Variants in CNOT2 observed in about 807,000 individuals in gnomAD.
CNOT2 encodes the protein CCR4-NOT transcription complex subunit 2.
A neutral mutation model predicts 72.1 loss-of-function variants in CNOT2; 7 were observed. The observed-to-expected ratio is 0.10, with a 90% CI of 0.06 to 0.18. CNOT2 has a LOEUF of 0.18. Among genes scored for constraint, CNOT2 ranks in the 10% least tolerant of loss-of-function variants. The probability of loss-of-function intolerance (pLI) is 1.00; values close to 1 mark genes in which losing one functional copy is unlikely to be tolerated. For synonymous variants in CNOT2, 196 were observed against 225.6 expected, an observed-to-expected ratio of 0.87 and a Z score of 1.17; for missense variants, 345 against 660.3, an observed-to-expected ratio of 0.52 and a Z score of 5.23.
At chr12:70,283,040 G>C (rs999787024) in intron 2 of CNOT2, among the ~76,000 whole-genome samples, 11 of 152,064 alleles carry the variant, frequency 7.2e-5, no homozygotes, top group Non-Finnish European at 1.3e-4. Context: ...CATTTAGTAT[G>C]TACTGTATTC....
chr12:70,276,785 T>C (rs1868887939), intron 1 of CNOT2, among the ~76,000 whole-genome samples: 1 of 152,004 alleles, frequency 6.6e-6, no homozygotes, highest in South Asian at 2.1e-4. Flanking sequence ...AATTACAATT[T>C]TGTCATACAG....
intron 15 of CNOT2, chr12:70,347,880 G>A (rs1882395157): frequency 6.6e-6 from 1 of 152,086 alleles, no homozygotes; most frequent in Non-Finnish European, 1.5e-5. Context: ...TAAAAATAGT[G>A]CCTGAGCTAT....
chr12:70,271,262 A>G (rs191935193), intron 1 of CNOT2, among the ~76,000 whole-genome samples: 1 of 151,850 alleles, frequency 6.6e-6, no homozygotes, highest in East Asian at 1.9e-4. Flanking sequence ...GAATCCTACC[A>G]TCAGTTTTTC....
At chr12:70,302,412 T>G (rs1174002375) in intron 2 of CNOT2, among the ~76,000 whole-genome samples, 6 of 151,842 alleles carry the variant, frequency 4.0e-5, no homozygotes, top group Non-Finnish European at 7.4e-5. Flanking sequence ...TCTGGTATGT[T>G]GTGTCTTTGT....
rs528724422 is a variant in CNOT2 at position 70,287,372 on chromosome 12, T to C, written c.48+9098T>C. Reference sequence around the variant, plus strand: ...TTTAATTTTGTTTTCTATTCATCAGTGTTCTTTAATGTTTTCCTTTCACTT... The same window carrying C: ...TTTAATTTTGTTTTCTATTCATCAGCGTTCTTTAATGTTTTCCTTTCACTT... On this transcript the variant is annotated intron_variant, in intron 2 of 15. Transcript: ENST00000229195. Among the ~76,000 whole-genome samples the C allele has an allele frequency of 2.7e-5, 4 of 149,790 alleles. No homozygotes were observed. The East Asian group carries it at 8.1e-4, about 30-fold the overall frequency.
At position 70,300,040 on chromosome 12, in the gene CNOT2, T is replaced by C. The variant is rs1269613808; in HGVS notation, c.49-10855T>C. Among the ~76,000 whole-genome samples the C allele has an allele frequency of 2.6e-5, 4 of 152,208 alleles. No homozygotes were observed. In the East Asian group the frequency reaches 7.7e-4, roughly 29 times the overall value. ...AATGTCTTCTTTTGAGAAGTGTCTG[T>C]TCATGTCCTTTGCCCACTTTTTGAT... On this transcript the variant is annotated intron_variant, in intron 2 of 15. Transcript: ENST00000229195.
At chr12:70,305,612 T>C (rs904036731) in intron 2 of CNOT2, among the ~76,000 whole-genome samples, 4 of 152,178 alleles carry the variant, frequency 2.6e-5, no homozygotes, top group Non-Finnish European at 4.4e-5. Flanking sequence ...AAAGTGACAT[T>C]TTTCAGAGAT....
At chr12:70,293,700 T>A (rs953399457) in intron 2 of CNOT2, among the ~76,000 whole-genome samples, 2 of 152,096 alleles carry the variant, frequency 1.3e-5, no homozygotes, top group African/African-American at 4.8e-5. Context: ...TTTAAGTACA[T>A]CCATATAGTA....
intron 14 of CNOT2, 29 bp downstream of exon 14, chr12:70,344,257 G>T: frequency 7.4e-7 from 1 of 1,355,358 alleles, no homozygotes; most frequent in Non-Finnish European, 1.1e-6. Flanking sequence ...AATCACTTTT[G>T]TATTATAGTG....
intron 10 of CNOT2, 41 bp downstream of exon 10, chr12:70,338,604 C>T (rs771717077): frequency 3.8e-6 from 6 of 1,596,414 alleles, no homozygotes; most frequent in South Asian, 1.1e-5. Context: ...TTATAGAATG[C>T]TTTTTTTTCT....
intron 1 of CNOT2, among the ~76,000 whole-genome samples, chr12:70,273,764 G>C (rs868500692): frequency 5.3e-5 from 8 of 152,152 alleles, no homozygotes; most frequent in Admixed American, 5.2e-4. Flanking sequence ...GAGATGGTGG[G>C]CCTTTTAGAT....
intron 15 of CNOT2, among the ~76,000 whole-genome samples, chr12:70,353,079 T>G (rs79237941): frequency 0.076 from 11,548 of 151,130 alleles, 530 homozygotes; most frequent in Admixed American, 0.15. Context: ...GTTTTCCTTT[T>G]TTTTTTTTTT....
At chr12:70,336,464 CG>C (rs369314190) in intron 8 of CNOT2, 21 of 151,824 alleles carry the variant, frequency 1.4e-4, no homozygotes, top group African/African-American at 4.6e-4. Context: ...AGTAACAAAA[CG>C]GTGAATTTAA....
intron 13 of CNOT2, 149 bp downstream of exon 13, chr12:70,342,456 A>G: frequency 1.1e-6 from 1 of 924,698 alleles, no homozygotes; most frequent in South Asian, 1.8e-5. Flanking sequence ...GTTAAATGGT[A>G]AATGTTAGGA....
At chr12:70,347,768 AT>A (rs1327362862) in intron 15 of CNOT2, 4 of 152,150 alleles carry the variant, frequency 2.6e-5, no homozygotes, top group African/African-American at 9.7e-5. Context: ...CACATACTGT[AT>A]TTTGTATCTG....
chr12:70,317,965 A>G (rs1418359638), intron 3 of CNOT2, among the ~76,000 whole-genome samples: 1 of 151,896 alleles, frequency 6.6e-6, no homozygotes, highest in African/African-American at 2.4e-5. Flanking sequence ...ATCCCTGGAA[A>G]CCACAGATCA....
At chr12:70,254,024 G>T (rs1030349639) in intron 1 of CNOT2, among the ~76,000 whole-genome samples, 2 of 152,012 alleles carry the variant, frequency 1.3e-5, no homozygotes, top group Non-Finnish European at 2.9e-5. Context: ...AGATCACGAG[G>T]TCAGGAGATT....
chr12:70,313,604 C>T (rs539394636), intron 3 of CNOT2, among the ~76,000 whole-genome samples: 12 of 151,966 alleles, frequency 7.9e-5, no homozygotes, highest in Non-Finnish European at 1.6e-4. Flanking sequence ...TGCTTTAAAT[C>T]ACGGGTCAGA....
upstream of CNOT2, chr12:70,243,048 G>C (rs896550109): frequency 1.4e-4 from 21 of 152,688 alleles, no homozygotes; most frequent in African/African-American, 5.1e-4. Context: ...CGGGGAGGGC[G>C]GACTGAAGCC....
Sources: gnomAD v4.1 joint callset for allele counts (sites outside exome capture counted in the v4.1 genomes callset) on GRCh38, gnomAD v4.1.1 for gene constraint, MANE v1.5 for transcripts, NCBI Gene and HGNC (gene_info 2026-07-23, HGNC 2026-07-21) for gene names.